SMIM36: variants seen among roughly 807,000 people sequenced by gnomAD.
SMIM36 encodes small integral membrane protein 36.
rs1363633324 is a variant in SMIM36 at position 55,511,190 on chromosome 17, C to CGG, written c.143_144dup (p.Glu49ProfsTer15). ...GAGGGCTGGGCCTCGAGAGTGGCCT[C>CGG]GGGCGCGTACTCCTTACTGGGATCC... On this transcript the variant is annotated frameshift_variant, in exon 1 of 5. Transcript: ENST00000636752. LOFTEE classifies it high-confidence loss of function. 4 of 398,450 alleles carry CGG rather than the reference C, an allele frequency of 1.0e-5. No individual in the cohort carries two copies. Among genetic ancestry groups the CGG allele is most frequent in the Non-Finnish European group, 1.8e-5 (4 of 226,076 alleles). The allele number at this position is 398,450 out of a possible 1,614,324, so 24.7% of individuals were successfully genotyped here.
intron 1 of SMIM36, among the ~76,000 whole-genome samples, chr17:55,490,162 C>A (rs7208128): frequency 0.79 from 119,780 of 151,972 alleles, 47,668 homozygotes; most frequent in Non-Finnish European, 0.82. Context: ...GCCATCGATG[C>A]GTATTTTTGC....
the SMIM36 span, among the ~76,000 whole-genome samples, chr17:55,524,049 A>AT: frequency 2.6e-5 from 4 of 151,946 alleles, no homozygotes; most frequent in South Asian, 2.1e-4. Flanking sequence ...CCTAATAGTT[A>AT]TTTTTTCTGG....
the SMIM36 span, among the ~76,000 whole-genome samples, chr17:55,521,605 G>A: frequency 2.6e-5 from 4 of 152,156 alleles, no homozygotes; most frequent in African/African-American, 7.2e-5. Flanking sequence ...TTTATATAAT[G>A]TTAGTGTTCA....
At chr17:55,473,940 C>T (rs1302430590) in intron 3 of SMIM36, among the ~76,000 whole-genome samples, 1 of 152,162 alleles carries the variant, frequency 6.6e-6, no homozygotes, top group East Asian at 1.9e-4. Context: ...CGGCCCCTGA[C>T]CTAATCAGTT....
intron 3 of SMIM36, among the ~76,000 whole-genome samples, chr17:55,470,909 A>C (rs1477390373): frequency 6.6e-6 from 1 of 152,094 alleles, no homozygotes; most frequent in African/African-American, 2.4e-5. Context: ...AAAGCCTACA[A>C]ATTCTCCTTA....
the SMIM36 span, among the ~76,000 whole-genome samples, chr17:55,521,065 G>A: frequency 1.3e-5 from 2 of 152,180 alleles, no homozygotes; most frequent in South Asian, 4.1e-4. Flanking sequence ...GGAGGCTGCA[G>A]TGAGCTGAGA....
chr17:55,463,977 G>A (rs1171598579), intron 4 of SMIM36, among the ~76,000 whole-genome samples: 2 of 152,094 alleles, frequency 1.3e-5, no homozygotes, highest in East Asian at 3.9e-4. Context: ...TTAGCCTGGT[G>A]TGGAGGCATG....
At chr17:55,515,091 T>G (rs943409348), upstream of SMIM36, among the ~76,000 whole-genome samples, 3 of 100,048 alleles carry the variant, frequency 3.0e-5, no homozygotes, top group South Asian at 3.2e-4. Context: ...CTAGTGTTTT[T>G]TTTTTTTTTT....
chr17:55,479,846 A>G (rs1054756945), intron 1 of SMIM36, among the ~76,000 whole-genome samples: 5 of 152,224 alleles, frequency 3.3e-5, no homozygotes, highest in East Asian at 1.9e-4. Context: ...TATTCTCAGT[A>G]AGAACCCCTG....
chr17:55,523,389 G>T, the SMIM36 span, among the ~76,000 whole-genome samples: 1 of 152,108 alleles, frequency 6.6e-6, no homozygotes, highest in Non-Finnish European at 1.5e-5. Flanking sequence ...AATTAGTTGG[G>T]CATGGTGGCA....
At chr17:55,514,168 T>C (rs1045649552), upstream of SMIM36, among the ~76,000 whole-genome samples, 2 of 152,148 alleles carry the variant, frequency 1.3e-5, no homozygotes, top group Non-Finnish European at 2.9e-5. Context: ...CTTCTTTTGC[T>C]GTCTTTAAGG....
At chr17:55,460,429 GAAACAAA>G (rs1909120819) in intron 4 of SMIM36, among the ~76,000 whole-genome samples, 1 of 76,912 alleles carries the variant, frequency 1.3e-5, no homozygotes, top group East Asian at 2.1e-4. Context: ...ACTCTGTCTG[GAAACAAA>G]AAACAAAAAA....
chr17:55,470,393 G>A (rs1325393195), intron 3 of SMIM36, among the ~76,000 whole-genome samples: 1 of 152,170 alleles, frequency 6.6e-6, no homozygotes, highest in Admixed American at 6.5e-5. Flanking sequence ...GGGAGGGTAA[G>A]TCTGTCCCCT....
chr17:55,485,669 T>C (rs1909591471), intron 1 of SMIM36, among the ~76,000 whole-genome samples: 1 of 152,250 alleles, frequency 6.6e-6, no homozygotes, highest in Non-Finnish European at 1.5e-5. Flanking sequence ...TTATAGTTTA[T>C]AGAATAATGT....
chr17:55,521,878 C>A, the SMIM36 span, among the ~76,000 whole-genome samples: 1 of 145,980 alleles, frequency 6.9e-6, no homozygotes, highest in East Asian at 2.0e-4. Context: ...TTTTTGCCAA[C>A]CCACTCTTAC....
At chr17:55,489,824 T>C (rs1909670233) in intron 1 of SMIM36, among the ~76,000 whole-genome samples, 1 of 151,550 alleles carries the variant, frequency 6.6e-6, no homozygotes, top group African/African-American at 2.4e-5. Flanking sequence ...AAGTGAACAC[T>C]GAATGGAAAA....
intron 1 of SMIM36, among the ~76,000 whole-genome samples, chr17:55,485,433 GT>G (rs1437109017): frequency 6.7e-6 from 1 of 148,490 alleles, no homozygotes; most frequent in Non-Finnish European, 1.5e-5. Flanking sequence ...CCACAGGTGT[GT>G]TCCACCATAC....
chr17:55,488,631 T>C (rs746161123), intron 1 of SMIM36, among the ~76,000 whole-genome samples: 1 of 152,238 alleles, frequency 6.6e-6, no homozygotes, highest in South Asian at 2.1e-4. Flanking sequence ...GGACATACTA[T>C]TCCATTGTAA....
At chr17:55,473,758 A>T (rs890437111) in intron 3 of SMIM36, among the ~76,000 whole-genome samples, 5 of 152,160 alleles carry the variant, frequency 3.3e-5, no homozygotes, top group African/African-American at 1.2e-4. Flanking sequence ...ATATGGATGC[A>T]CTTTCTTGCT....
Sources: gnomAD v4.1 joint callset for allele counts (sites outside exome capture counted in the v4.1 genomes callset) on GRCh38, gnomAD v4.1.1 for gene constraint, MANE v1.5 for transcripts, NCBI Gene and HGNC (gene_info 2026-07-23, HGNC 2026-07-21) for gene names.